IRAK3: variants seen among roughly 807,000 people sequenced by gnomAD.
The protein encoded by IRAK3 is interleukin 1 receptor associated kinase 3, also known as interleukin-1 receptor-associated kinase 3.
In IRAK3, 57 loss-of-function variants were observed where a neutral mutation model predicts 56.6. The ratio of observed to expected loss-of-function variants is 1.01; its 90% CI spans 0.81 to 1.26. IRAK3 has a LOEUF of 1.26. Ranked by LOEUF, IRAK3 falls within the 50% of genes most tolerant of loss-of-function variation. The pLI is 0.00. For missense variants in IRAK3, 703 were observed against 719.0 expected (o/e 0.98, Z 0.25); for synonymous variants, 258 against 255.7 (o/e 1.01, Z -0.09).
At position 66,245,390 on chromosome 12, in the gene IRAK3, A is replaced by G. The variant is rs2053019484; in HGVS notation, c.1314+128A>G. Reference sequence around the variant, plus strand: ...AATCCAGCCTCCAACAGAGAATTCCAACATAATAGTGTTTCCAGGTCAAAA... The same window carrying G: ...AATCCAGCCTCCAACAGAGAATTCCGACATAATAGTGTTTCCAGGTCAAAA... On this transcript the variant is annotated intron_variant, in intron 11 of 11. Coordinates refer to ENST00000261233, the MANE Select transcript of IRAK3 (RefSeq NM_007199.3). 4 of 982,554 alleles carry G rather than the reference A, an allele frequency of 4.1e-6. No homozygotes were observed. In the Admixed American group the frequency reaches 8.1e-5, roughly 20 times the overall value. 60.9% of individuals were successfully genotyped at this position (982,554 alleles called of 1,614,324 possible).
At chr12:66,222,475 A>T (rs922535395) in intron 6 of IRAK3, among the ~76,000 whole-genome samples, 3 of 152,168 alleles carry the variant, frequency 2.0e-5, no homozygotes, top group Middle Eastern at 3.4e-3. Context: ...AGTTCATAAT[A>T]GTCTCTTATG....
At chr12:66,215,788 A>AAGTGCACGTGCGCGCGCG (rs1555203513) in intron 5 of IRAK3, among the ~76,000 whole-genome samples, 1 of 131,610 alleles carries the variant, frequency 7.6e-6, no homozygotes, top group African/African-American at 2.8e-5. Context: ...CCCAACATGC[A>AAGTGCACGTGCGCGCGCG]CACACACACA....
At chr12:66,233,526 A>T (rs927191648) in intron 8 of IRAK3, among the ~76,000 whole-genome samples, 2 of 151,722 alleles carry the variant, frequency 1.3e-5, no homozygotes, top group African/African-American at 4.8e-5. Flanking sequence ...TCGGAAAAAA[A>T]AAAAGGCCGG....
chr12:66,209,868 G>A (rs2052595032), intron 3 of IRAK3, among the ~76,000 whole-genome samples: 1 of 152,160 alleles, frequency 6.6e-6, no homozygotes, highest in East Asian at 1.9e-4. Flanking sequence ...GAGCAAACTA[G>A]CAGTGATCAT....
At chr12:66,213,406 G>A (rs891752383) in intron 5 of IRAK3, among the ~76,000 whole-genome samples, 14 of 152,154 alleles carry the variant, frequency 9.2e-5, no homozygotes, top group African/African-American at 3.4e-4. Flanking sequence ...ATGATTCCAA[G>A]TATATGACAC....
intron 8 of IRAK3, among the ~76,000 whole-genome samples, chr12:66,233,794 T>G (rs938550817): frequency 3.4e-5 from 5 of 146,894 alleles, no homozygotes; most frequent in African/African-American, 1.2e-4. Context: ...TTCTTTTTTT[T>G]TTTTGCATCA....
At chr12:66,225,280 A>G (rs900175128) in intron 6 of IRAK3, among the ~76,000 whole-genome samples, 1 of 152,042 alleles carries the variant, frequency 6.6e-6, no homozygotes, top group Non-Finnish European at 1.5e-5. Context: ...TTTTCATTTC[A>G]TAGATATAGT....
intron 8 of IRAK3, 133 bp downstream of exon 8, chr12:66,228,503 A>G (rs2052812066): frequency 1.4e-6 from 1 of 722,704 alleles, no homozygotes. Context: ...TCATCTAGGT[A>G]TTTAAAAATC....
At chr12:66,212,423 A>G (rs1565802966) in intron 5 of IRAK3, among the ~76,000 whole-genome samples, 1 of 152,212 alleles carries the variant, frequency 6.6e-6, no homozygotes, top group Non-Finnish European at 1.5e-5. Flanking sequence ...CTCAGGAGTC[A>G]GTCAGAGATA....
At chr12:66,220,847 G>A (rs2052726120) in intron 6 of IRAK3, among the ~76,000 whole-genome samples, 2 of 152,150 alleles carry the variant, frequency 1.3e-5, no homozygotes, top group South Asian at 2.1e-4. Context: ...CTCACTTACT[G>A]TTTTGGGTCT....
intron 8 of IRAK3, chr12:66,234,654 C>T: frequency 6.2e-7 from 1 of 1,611,170 alleles, no homozygotes; most frequent in Non-Finnish European, 8.5e-7. Context: ...TCTGTGGGGG[C>T]AGAAACTCCT....
chr12:66,190,100 A>C (rs2052385315), intron 1 of IRAK3, among the ~76,000 whole-genome samples: 1 of 152,226 alleles, frequency 6.6e-6, no homozygotes, highest in Non-Finnish European at 1.5e-5. Flanking sequence ...AATTCGGACA[A>C]AAATCTTCGT....
At chr12:66,235,352 A>T in intron 8 of IRAK3, 3 of 1,021,104 alleles carry the variant, frequency 2.9e-6, no homozygotes, top group Non-Finnish European at 3.5e-6. Flanking sequence ...CCTCGCCGCG[A>T]GGGGGAGGAC....
At chr12:66,210,038 G>C in intron 3 of IRAK3, 109 bp from the exon 4 acceptor site, 1 of 698,394 alleles carries the variant, frequency 1.4e-6, no homozygotes, top group Non-Finnish European at 2.6e-6. Flanking sequence ...AAATTAGGTT[G>C]CACTCTGTTG....
At chr12:66,195,690 G>A (rs1462376955) in intron 1 of IRAK3, among the ~76,000 whole-genome samples, 3 of 151,742 alleles carry the variant, frequency 2.0e-5, no homozygotes, top group Non-Finnish European at 4.4e-5. Context: ...ACGGAGTTTC[G>A]CTTTTGTTGC....
intron 5 of IRAK3, among the ~76,000 whole-genome samples, chr12:66,215,771 A>C (rs1384550369): frequency 1.9e-5 from 1 of 53,192 alleles, no homozygotes; most frequent in Non-Finnish European, 4.4e-5. Flanking sequence ...TCCGCCCCCT[A>C]TTTTAACCCA....
At chr12:66,237,411 T>G (rs779567748) in intron 8 of IRAK3, among the ~76,000 whole-genome samples, 1 of 152,168 alleles carries the variant, frequency 6.6e-6, no homozygotes, top group Non-Finnish European at 1.5e-5. Context: ...CTTGCCCATT[T>G]GCCGCTGGAA....
At position 66,219,050 on chromosome 12, in the gene IRAK3, A is replaced by ATG. The variant is rs57290167; in HGVS notation, c.653+1833_653+1834dup. Among the ~76,000 whole-genome samples the ATG allele has an allele frequency of 8.5e-3, 1,271 of 149,446 alleles. 15 individuals are homozygous for ATG. The highest frequency in any genetic ancestry group is 0.026 in the African/African-American group (1,061 of 40,920). On this transcript the variant is annotated intron_variant, in intron 6 of 11. Transcript: ENST00000261233. ...TATTCCATCGTGTGTGTGTGTGTGTATGTGTGTGTGTGTGTGTGTCTCACA... is the reference window on the plus strand; with the variant it reads ...TATTCCATCGTGTGTGTGTGTGTGTATGTGTGTGTGTGTGTGTGTGTCTCACA...
intron 7 of IRAK3, 71 bp downstream of exon 7, chr12:66,226,908 T>C: frequency 1.1e-6 from 1 of 890,496 alleles, no homozygotes; most frequent in Non-Finnish European, 1.9e-6. Flanking sequence ...TGAAACCGTC[T>C]GGGAGAGTTG....
Sources: gnomAD v4.1 joint callset for allele counts (sites outside exome capture counted in the v4.1 genomes callset) on GRCh38, gnomAD v4.1.1 for gene constraint, MANE v1.5 for transcripts, NCBI Gene and HGNC (gene_info 2026-07-23, HGNC 2026-07-21) for gene names.